Variants in NOX4 observed in about 807,000 individuals in gnomAD.
The protein encoded by NOX4 is NADPH oxidase 4, also known as kidney oxidase-1.
Under a neutral mutation model 87.6 loss-of-function variants are expected in NOX4, and 69 were observed. That is an observed-to-expected ratio of 0.79 (90% CI 0.65 to 0.96). The LOEUF (loss-of-function observed/expected upper bound fraction) is 0.96. Among genes scored for constraint, NOX4 ranks in the 40% least tolerant of loss-of-function variants. The pLI is 0.00. For synonymous variants in NOX4, 275 were observed against 238.2 expected, an observed-to-expected ratio of 1.15 and a Z score of -1.42; for missense variants, 680 against 681.5, an observed-to-expected ratio of 1.00 and a Z score of 0.02.
intron 6 of NOX4, among the ~76,000 whole-genome samples, chr11:89,439,716 T>C (rs1351102350): frequency 2.0e-5 from 3 of 152,086 alleles, no homozygotes; most frequent in Non-Finnish European, 4.4e-5. Context: ...AAATCTAAGG[T>C]TGGGAAAAAG....
the NOX4 span, among the ~76,000 whole-genome samples, chr11:89,578,143 T>C: frequency 1.3e-4 from 19 of 150,480 alleles, no homozygotes; most frequent in Admixed American, 6.0e-4. Flanking sequence ...ATGTGCATCA[T>C]TTTCCAAGTT....
At chr11:89,442,618 G>A (rs1047619626) in intron 5 of NOX4, among the ~76,000 whole-genome samples, 2 of 152,090 alleles carry the variant, frequency 1.3e-5, no homozygotes, top group Non-Finnish European at 2.9e-5. Flanking sequence ...ACCATAAAAT[G>A]CGACTCAAAA....
At chr11:89,432,957 G>A (rs1436678854) in intron 6 of NOX4, 101 bp from the exon 7 acceptor site, 2 of 760,120 alleles carry the variant, frequency 2.6e-6, no homozygotes, top group Non-Finnish European at 4.5e-6. Flanking sequence ...TGTTCTGTGG[G>A]AAGCCTAATT....
chr11:89,450,213 T>C (rs1944897407), intron 3 of NOX4, among the ~76,000 whole-genome samples: 1 of 152,166 alleles, frequency 6.6e-6, no homozygotes, highest in South Asian at 2.1e-4. Context: ...GTTTAAATGG[T>C]AGGCAACCTA....
At position 89,360,288 on chromosome 11, in the gene NOX4, T is replaced by C. The variant is rs529048680; in HGVS notation, c.1136-5245A>G. Among the ~76,000 whole-genome samples the C allele has an allele frequency of 1.2e-4, 18 of 152,176 alleles. No individual in the cohort carries two copies. The South Asian group carries it at 3.5e-3, about 30-fold the overall frequency. ...CTTCACTCATACAGTCTGCAGTATTTAGCAGCAACAGGTCATAAGAGAAAA... is the reference window on the plus strand; with the variant it reads ...CTTCACTCATACAGTCTGCAGTATTCAGCAGCAACAGGTCATAAGAGAAAA... On this transcript the variant is annotated intron_variant, in intron 12 of 17. Coordinates refer to ENST00000263317, the MANE Select transcript of NOX4 (RefSeq NM_016931.5).
the NOX4 span, among the ~76,000 whole-genome samples, chr11:89,564,768 A>C: frequency 6.6e-6 from 1 of 150,582 alleles, no homozygotes; most frequent in African/African-American, 2.5e-5. Context: ...TTTTTTTAAT[A>C]GTTTCCCATC....
intron 11 of NOX4, among the ~76,000 whole-genome samples, chr11:89,374,614 A>G (rs761915654): frequency 6.6e-6 from 1 of 152,210 alleles, no homozygotes; most frequent in African/African-American, 2.4e-5. Context: ...TAAAAAGACA[A>G]GACAAAATTT....
chr11:89,426,918 T>C (rs1454801342), intron 7 of NOX4, among the ~76,000 whole-genome samples: 3 of 152,190 alleles, frequency 2.0e-5, no homozygotes, highest in Non-Finnish European at 2.9e-5. Context: ...ACGGACAGAC[T>C]GCCTCCTCAA....
chr11:89,464,306 C>T (rs113049849), intron 2 of NOX4, among the ~76,000 whole-genome samples: 2,186 of 152,094 alleles, frequency 0.014, 54 homozygotes, highest in African/African-American at 0.05. Context: ...TACCAAGAAC[C>T]CACTTTCTCA....
the NOX4 span, among the ~76,000 whole-genome samples, chr11:89,547,033 A>G: frequency 2.0e-5 from 3 of 152,198 alleles, no homozygotes; most frequent in African/African-American, 7.2e-5. Flanking sequence ...ATGTATATAA[A>G]GCACATAACA....
chr11:89,451,698 C>A, intron 3 of NOX4, 87 bp downstream of exon 3: 1 of 882,796 alleles, frequency 1.1e-6, no homozygotes, highest in Non-Finnish European at 1.9e-6. Context: ...AGTCAAAAGT[C>A]AGACTATGAA....
At chr11:89,555,323 C>A in the NOX4 span, among the ~76,000 whole-genome samples, 1 of 152,054 alleles carries the variant, frequency 6.6e-6, no homozygotes, top group Admixed American at 6.6e-5. Context: ...CATCTCCACA[C>A]ACACACACAA....
At chr11:89,490,840 G>C in intron 1 of NOX4, 1 of 699,372 alleles carries the variant, frequency 1.4e-6, no homozygotes, top group East Asian at 2.7e-5. Context: ...AGAAATTAAT[G>C]ACATCACCAT....
At chr11:89,355,159 T>C (rs1937923744) in intron 12 of NOX4, 116 bp from the exon 13 acceptor site, 1 of 704,592 alleles carries the variant, frequency 1.4e-6, no homozygotes, top group Non-Finnish European at 2.4e-6. Context: ...TGTATATCCA[T>C]CCTTTATTAG....
rs546442460 is a variant in NOX4 at position 89,351,162 on chromosome 11, G to T, written c.1217+3800C>A. Among the ~76,000 whole-genome samples, 44 of 152,286 alleles carry T rather than the reference G, an allele frequency of 2.9e-4. 2 individuals carry two copies. The South Asian group carries it at 6.2e-3, about 22-fold the overall frequency. On this transcript the variant is annotated intron_variant, in intron 13 of 17. Transcript: ENST00000263317. ...CAGCCTTATTGCTGATATGGAGAAA[G>T]TTTTAGTGGTCTGGATGATTAAACC...
intron 4 of NOX4, among the ~76,000 whole-genome samples, chr11:89,445,360 A>G (rs781538091): frequency 6.6e-6 from 1 of 151,062 alleles, no homozygotes; most frequent in Non-Finnish European, 1.5e-5. Context: ...CACACACAAA[A>G]ATAATGAAAG....
At chr11:89,449,379 G>T (rs922475131) in intron 4 of NOX4, 61 bp downstream of exon 4, 1 of 1,248,818 alleles carries the variant, frequency 8.0e-7, no homozygotes, top group Non-Finnish European at 1.1e-6. Context: ...TGTATGTCTG[G>T]AATGTTTACA....
At chr11:89,436,712 A>C (rs1044615088) in intron 6 of NOX4, among the ~76,000 whole-genome samples, 8 of 152,202 alleles carry the variant, frequency 5.3e-5, no homozygotes, top group African/African-American at 1.7e-4. Flanking sequence ...ACATAATTAT[A>C]TTTGTTTCTG....
At chr11:89,531,442 C>T in the NOX4 span, among the ~76,000 whole-genome samples, 1 of 152,150 alleles carries the variant, frequency 6.6e-6, no homozygotes, top group African/African-American at 2.4e-5. Context: ...ATACCAAATG[C>T]TAGCTGCCTG....
Sources: allele counts gnomAD v4.1 joint callset (sites outside exome capture counted in the v4.1 genomes callset), GRCh38; gene constraint gnomAD v4.1.1; transcripts MANE v1.5; gene names NCBI Gene and HGNC (gene_info 2026-07-23, HGNC 2026-07-21).